WDR77: variants seen among roughly 807,000 people sequenced by gnomAD.
WDR77 encodes WD repeat domain 77.
Under a neutral mutation model 44.0 loss-of-function variants are expected in WDR77, and 31 were observed. That is an observed-to-expected ratio of 0.70 (90% CI 0.53 to 0.95). The LOEUF is 0.95. Ranked by LOEUF, WDR77 falls within the 40% of genes least tolerant of loss-of-function variation. WDR77 has a pLI of 0.00. For missense variants in WDR77, 390 were observed against 423.9 expected (o/e 0.92, Z 0.70); for synonymous variants, 186 against 165.7 (o/e 1.12, Z -0.94).
rs1462448771 is a variant in WDR77 at position 111,440,178 on chromosome 1, G to GA, written c.*1051dup. Reference sequence around the variant, plus strand: ...ACTTTGGGAAGCTGGGGAAGCACAGGAAAAATAATGGGCTACAAGACCAAC... The same window carrying GA: ...ACTTTGGGAAGCTGGGGAAGCACAGGAAAAAATAATGGGCTACAAGACCAAC... On this transcript the variant is annotated 3_prime_UTR_variant, in exon 10 of 10. Coordinates refer to ENST00000235090, the MANE Select transcript of WDR77 (RefSeq NM_024102.4). The GA allele has an allele frequency of 1.3e-5, 2 of 152,074 alleles. No homozygotes were observed. Among genetic ancestry groups the GA allele is most frequent in the Non-Finnish European group, 2.9e-5 (2 of 68,022 alleles). 9.4% of individuals were successfully genotyped at this position (152,074 alleles called of 1,614,324 possible).
Position 111,448,552 on chromosome 1 carries a change from G to C in WDR77, c.301+67C>G, listed in dbSNP as rs556442657. ...CGTTAGATATTGAGCTCAACCCTAC[G>C]GTACCCCAAGTCTCCATTCTACCGT... is the stretch of plus-strand genomic sequence containing the variant. On this transcript the variant is annotated intron_variant, in intron 2 of 9. Coordinates refer to ENST00000235090, the MANE Select transcript of WDR77 (RefSeq NM_024102.4). 2.5e-6 allele frequency: 4 copies of C among 1,595,734 alleles called. No individual in the cohort carries two copies. The South Asian group carries it at 3.3e-5, about 13-fold the overall frequency.
chr1:111,448,163 G>A (rs1653129520), intron 2 of WDR77, among the ~76,000 whole-genome samples: 1 of 150,172 alleles, frequency 6.7e-6, no homozygotes, highest in African/African-American at 2.5e-5. Flanking sequence ...TGCAATGCCG[G>A]CCAACTTCCA....
intron 3 of WDR77, 77 bp from the exon 4 acceptor site, chr1:111,447,221 C>A (rs1470267399): frequency 1.3e-6 from 2 of 1,564,622 alleles, no homozygotes; most frequent in African/African-American, 2.7e-5. Flanking sequence ...CAAGAACTTC[C>A]TGTAATCAAC....
intron 3 of WDR77, 84 bp from the exon 4 acceptor site, chr1:111,447,228 C>T (rs1653078639): frequency 1.3e-6 from 2 of 1,548,790 alleles, no homozygotes; most frequent in African/African-American, 1.4e-5. Context: ...TTCCTGTAAT[C>T]AACATTCCCC....
At chr1:111,448,518 A>G (rs1653149996) in intron 2 of WDR77, 101 bp downstream of exon 2, 1 of 1,415,074 alleles carries the variant, frequency 7.1e-7, no homozygotes, top group Admixed American at 1.8e-5. Flanking sequence ...CCAAGCACTG[A>G]GTATAGGACG....
intron 7 of WDR77, 54 bp from the exon 8 acceptor site, chr1:111,442,815 A>T: frequency 7.8e-7 from 1 of 1,287,476 alleles, no homozygotes; most frequent in Non-Finnish European, 1.0e-6. Flanking sequence ...CTTTTGTGCC[A>T]AAGACTTGAA....
chr1:111,446,939 T>C, intron 4 of WDR77, 156 bp downstream of exon 4: 1 of 721,978 alleles, frequency 1.4e-6, no homozygotes, highest in Non-Finnish European at 2.3e-6. Context: ...AACAAGGAAA[T>C]TGAGAAAAGG....
At chr1:111,448,976 G>A (rs1653183703) in intron 1 of WDR77, 79 bp downstream of exon 1, 4 of 1,538,928 alleles carry the variant, frequency 2.6e-6, no homozygotes, top group Non-Finnish European at 3.5e-6. Flanking sequence ...GGGCGGGGAT[G>A]GGCTGGGAGG....
At chr1:111,448,551 CG>C (rs1351897920) in intron 2 of WDR77, 67 bp downstream of exon 2, 6 of 1,593,848 alleles carry the variant, frequency 3.8e-6, no homozygotes, top group Non-Finnish European at 4.3e-6. Context: ...CTCAACCCTA[CG>C]GTACCCCAAG....
At chr1:111,441,439 C>A in intron 9 of WDR77, 50 bp from the exon 10 acceptor site, 5 of 1,427,156 alleles carry the variant, frequency 3.5e-6, no homozygotes, top group Non-Finnish European at 4.6e-6. Context: ...GAAAAGCAGA[C>A]CTGGAGAAAA....
chr1:111,442,392 C>A (rs1294428752), intron 8 of WDR77, among the ~76,000 whole-genome samples: 1 of 152,174 alleles, frequency 6.6e-6, no homozygotes, highest in East Asian at 1.9e-4. Flanking sequence ...TAGAAGCCCA[C>A]AACATTAACC....
chr1:111,448,090 T>G (rs1033221911), intron 2 of WDR77, among the ~76,000 whole-genome samples: 2 of 152,086 alleles, frequency 1.3e-5, no homozygotes, highest in African/African-American at 4.8e-5. Flanking sequence ...CTTGATTATG[T>G]AGTGTTCAAG....
chr1:111,441,285 T>C lies in WDR77; in HGVS notation c.974A>G (p.His325Arg), dbSNP rs1652803202. The change falls in exon 10 of 10, where the codon CAC becomes CGC. Residue 325 changes from histidine (H) to arginine (R), a missense_variant. Physicochemically the swap from His to Arg is conservative, Grantham distance 29 (BLOSUM62 0). Transcript: ENST00000235090. ...TVGWDHQVVH[H>R]VVPTEPLPAP... ...TGGGAGAGGTTCTGTGGGCACAACG[T>C]GGTGGACGACCTGATGGTCCCAGCC... 3 of 1,588,708 alleles carry C rather than the reference T, an allele frequency of 1.9e-6. No homozygotes were observed. The highest frequency in any genetic ancestry group is 2.6e-6 in the Non-Finnish European group (3 of 1,166,040).
intron 4 of WDR77, 123 bp from the exon 5 acceptor site, chr1:111,444,247 A>C: frequency 1.1e-6 from 1 of 887,516 alleles, no homozygotes; most frequent in Non-Finnish European, 1.8e-6. Context: ...CAATTTAACA[A>C]ATTTTGTGGG....
In WDR77 at chr1:111,448,698, G is replaced by A. The variant is rs1653163249; in HGVS notation, c.222C>T (p.Ser74=). The A allele has an allele frequency of 3.7e-6, 6 of 1,614,108 alleles. No individual in the cohort carries two copies. In the South Asian group the frequency reaches 5.5e-5, roughly 15 times the overall value. The change falls in exon 2 of 10, where the codon TCC becomes TCT. Residue 74 remains serine, a synonymous_variant. Transcript: ENST00000235090. Reference sequence around the variant, plus strand: ...CTCCAGCCTCCGTTTGGACTCCGGCGGAGCAGAAGCCTTCGTTGGGGGCGG... The same window carrying A: ...CTCCAGCCTCCGTTTGGACTCCGGCAGAGCAGAAGCCTTCGTTGGGGGCGG... The part of the protein sequence containing the change: ...PCAAPNEGFC[S]AGVQTEAGVA...
intron 2 of WDR77, 84 bp from the exon 3 acceptor site, chr1:111,447,660 A>T: frequency 2.7e-6 from 4 of 1,501,662 alleles, no homozygotes; most frequent in Non-Finnish European, 3.7e-6. Flanking sequence ...AGCCATTGTC[A>T]CTAAATTAAC....
At position 111,448,655 on chromosome 1, in the gene WDR77, C is replaced by T. The variant is rs370256607; in HGVS notation, c.265G>A (p.Val89Ile). 9 of 1,614,060 alleles carry T rather than the reference C, an allele frequency of 5.6e-6. No homozygotes were observed. Among genetic ancestry groups the T allele is most frequent in the Non-Finnish European group, 7.6e-6 (9 of 1,180,050 alleles). ...TEAGVADLTWVGERGILVASD... is the reference protein window; with the variant it reads ...TEAGVADLTWIGERGILVASD... ...GCCACTAGAATACCTCTCTCCCCAA[C>T]CCAAGTGAGGTCAGCCACTCCAGCC... is the stretch of plus-strand genomic sequence containing the variant. The change falls in exon 2 of 10, where the codon GTT becomes ATT. Residue 89 changes from valine to isoleucine, a missense_variant. Val to Ile is a conservative substitution (Grantham distance 29). Coordinates refer to ENST00000235090, the MANE Select transcript of WDR77 (RefSeq NM_024102.4).
In WDR77 at chr1:111,443,864, C is replaced by T. The variant is rs745936280; in HGVS notation, c.619+3G>A. ...TTCTCCCACCAATGAATCTCAGACTCACCAATCTGTGATGCTGGCTTGGGA... is the reference window on the plus strand; with the variant it reads ...TTCTCCCACCAATGAATCTCAGACTTACCAATCTGTGATGCTGGCTTGGGA... On this transcript the variant is annotated splice_donor_region_variant and intron_variant, in intron 6 of 9. Transcript: ENST00000235090. The T allele has an allele frequency of 5.6e-6, 9 of 1,613,972 alleles. No individual in the cohort carries two copies. The highest frequency in any genetic ancestry group is 2.7e-5 in the African/African-American group (2 of 74,928).
chr1:111,447,012 G>A, intron 4 of WDR77, 83 bp downstream of exon 4: 1 of 1,395,258 alleles, frequency 7.2e-7, no homozygotes, highest in Non-Finnish European at 1.0e-6. Context: ...ACATGGAATT[G>A]CTGCTCCTAA....
Sources: gnomAD v4.1 joint callset for allele counts (sites outside exome capture counted in the v4.1 genomes callset) on GRCh38, gnomAD v4.1.1 for gene constraint, MANE v1.5 for transcripts, NCBI Gene and HGNC (gene_info 2026-07-23, HGNC 2026-07-21) for gene names.